The following GUCY2F variants were observed in gnomAD, a reference collection of about 807,000 sequenced individuals.
GUCY2F encodes the protein retinal guanylyl cyclase 2.
In GUCY2F, 61 loss-of-function variants were observed where a neutral mutation model predicts 73.1. The ratio of observed to expected loss-of-function variants is 0.83; its 90% CI spans 0.68 to 1.03. The LOEUF is 1.03. Ranked by LOEUF, GUCY2F falls within the 50% of genes least tolerant of loss-of-function variation. The pLI, the probability that GUCY2F is intolerant of heterozygous loss-of-function variation, is 0.00. For synonymous variants in GUCY2F, 331 were observed against 307.8 expected (o/e 1.08, Z -0.79); for missense variants, 912 against 854.3 (o/e 1.07, Z -0.84).
intron 7 of GUCY2F, among the ~76,000 whole-genome samples, chrX:109,434,202 T>C (rs1204254734): frequency 1.8e-5 from 2 of 110,273 alleles, no homozygotes; most frequent in African/African-American, 6.6e-5. Context: ...TCTCTCTGAA[T>C]GTGTCAGGGT....
chrX:109,425,186 T>C (rs1164369034), intron 8 of GUCY2F, among the ~76,000 whole-genome samples: 2 of 111,420 alleles, frequency 1.8e-5, no homozygotes, highest in Non-Finnish European at 3.8e-5. Context: ...CAGTTTTCAA[T>C]CCCACTACTG....
chrX:109,450,070 T>G (rs1325515697), intron 5 of GUCY2F, among the ~76,000 whole-genome samples: 2 of 110,578 alleles, frequency 1.8e-5, no homozygotes, highest in African/African-American at 6.6e-5. Context: ...AAAGAGGGGG[T>G]ATCTTTTGTG....
chrX:109,437,048 T>C (rs1234949710), intron 7 of GUCY2F, among the ~76,000 whole-genome samples: 2 of 111,448 alleles, frequency 1.8e-5, no homozygotes, highest in East Asian at 5.6e-4. Context: ...CAATGGGTCT[T>C]CTTTAAAACA....
At chrX:109,396,611 A>T (rs1359872015) in intron 11 of GUCY2F, among the ~76,000 whole-genome samples, 2 of 112,009 alleles carry the variant, frequency 1.8e-5, no homozygotes, top group Non-Finnish European at 3.8e-5. Context: ...CACATCAGGA[A>T]CCAAGCTTTG....
At chrX:109,446,197 G>T (rs1032361274) in intron 6 of GUCY2F, among the ~76,000 whole-genome samples, 19 of 111,851 alleles carry the variant, frequency 1.7e-4, no homozygotes, top group Non-Finnish European at 3.4e-4. Flanking sequence ...TGGCCATACT[G>T]CCCAAGGCAA....
chrX:109,416,594 A>AT (rs776161440), intron 8 of GUCY2F, among the ~76,000 whole-genome samples: 4 of 110,773 alleles, frequency 3.6e-5, no homozygotes, highest in East Asian at 2.8e-4. Flanking sequence ...CAGCAAAACA[A>AT]TTTTTTTTAG....
Position 109,457,125 on chromosome X carries a change from A to G in GUCY2F, c.1033-3266T>C, listed in dbSNP as rs764783269. ...GTATAGACCTGAACCTGAAAGAATT[A>G]GTTATGAATGATAATTAAAACATAT... On this transcript the variant is annotated intron_variant, in intron 3 of 19. Transcript: ENST00000218006. Among the ~76,000 whole-genome samples the G allele has an allele frequency of 3.6e-5, 4 of 112,312 alleles. No individual in the cohort carries two copies. In the East Asian group the frequency reaches 1.1e-3, roughly 31 times the overall value.
chrX:109,396,368 A>T (rs1447928913), intron 11 of GUCY2F, among the ~76,000 whole-genome samples: 4 of 110,911 alleles, frequency 3.6e-5, no homozygotes, highest in African/African-American at 1.3e-4. Context: ...AAAAATCATT[A>T]TCTCTCAATA....
chrX:109,382,169 T>C lies in GUCY2F; in HGVS notation c.3099A>G (p.Gln1033=), dbSNP rs1245833002. The change falls in exon 17 of 20, where the codon CAA becomes CAG. Residue 1033 remains glutamine, a synonymous_variant. Coordinates refer to ENST00000218006, the MANE Select transcript of GUCY2F (RefSeq NM_001522.3). ...CCACTTCATAGCCCTCACTCAGATTTTGAAGAATTGTAACAGTGCTGAGAC... is the reference window on the plus strand; with the variant it reads ...CCACTTCATAGCCCTCACTCAGATTCTGAAGAATTGTAACAGTGCTGAGAC... ...HVSLSTVTIL[Q]NLSEGYEVEL... is the part of the protein sequence containing the mutation. 16 of 1,185,966 alleles carry C rather than the reference T, an allele frequency of 1.3e-5. No homozygotes were observed. The African/African-American group carries it at 1.6e-4, about 12-fold the overall frequency.
chrX:109,451,521 G>A (rs953385832), intron 5 of GUCY2F, among the ~76,000 whole-genome samples: 2 of 111,659 alleles, frequency 1.8e-5, no homozygotes, highest in African/African-American at 6.5e-5. Flanking sequence ...GTCACATATC[G>A]TTCTAGGTGC....
intron 5 of GUCY2F, among the ~76,000 whole-genome samples, chrX:109,449,669 TG>T (rs1932096181): frequency 8.9e-6 from 1 of 112,255 alleles, no homozygotes; most frequent in East Asian, 2.8e-4. Flanking sequence ...TTGCATTACC[TG>T]CTTTATAGAG....
In GUCY2F at chrX:109,424,439, C is replaced by T. The variant is rs990004647; in HGVS notation, c.1791+5868G>A. Reference sequence around the variant, plus strand: ...GGGAGAGAGGTGTGAACAGGTGGAGCACAGAGGATTTTTAGGGGACTGAAA... The same window carrying T: ...GGGAGAGAGGTGTGAACAGGTGGAGTACAGAGGATTTTTAGGGGACTGAAA... On this transcript the variant is annotated intron_variant, in intron 8 of 19. Coordinates refer to ENST00000218006, the MANE Select transcript of GUCY2F (RefSeq NM_001522.3). Among the ~76,000 whole-genome samples the T allele has an allele frequency of 8.1e-5, 9 of 111,417 alleles. 1 individual carries two copies. The highest frequency in any genetic ancestry group is 3.8e-4 in the Admixed American group (4 of 10,501).
chrX:109,409,154 A>C lies in GUCY2F; in HGVS notation c.1806T>G (p.Arg602=), dbSNP rs1300185440. The change falls in exon 9 of 20, where the codon CGT becomes CGG. Residue 602 remains arginine (R), a synonymous_variant. Coordinates refer to ENST00000218006, the MANE Select transcript of GUCY2F (RefSeq NM_001522.3). Reference sequence around the variant, plus strand: ...CCAATAAAGGGTTAATATTCTCATGACGCAAGTCCTTCATCTGGAAATGAG... The same window carrying C: ...CCAATAAAGGGTTAATATTCTCATGCCGCAAGTCCTTCATCTGGAAATGAG... ...SDVFEMMKDL[R]HENINPLLGF... 9.1e-7 allele frequency: 1 copy of C among 1,100,112 alleles called. No homozygotes were observed. The highest frequency in any genetic ancestry group is 1.3e-6 in the Non-Finnish European group (1 of 797,332). The allele number at this position is 1,100,112 out of a possible 1,213,427, so 90.7% of individuals were successfully genotyped here. A position where few individuals can be genotyped will look rare whatever the true frequency, so the allele number is the denominator to read the frequency against.
intron 8 of GUCY2F, among the ~76,000 whole-genome samples, chrX:109,413,626 G>A (rs1003278072): frequency 2.7e-5 from 3 of 110,587 alleles, no homozygotes; most frequent in South Asian, 3.9e-4. Flanking sequence ...GGCTGGTCTC[G>A]AACTCCTAAA....
chrX:109,476,524 A>T (rs1467855411), intron 1 of GUCY2F, among the ~76,000 whole-genome samples: 1 of 111,423 alleles, frequency 9.0e-6, no homozygotes, highest in Non-Finnish European at 1.9e-5. Context: ...GCTATGATTG[A>T]GGTAGCCCAA....
rs781260647 is a variant in GUCY2F at position 109,383,902 on chromosome X, C to A, written c.3055+1282G>T. ...ATCAGTCCAGAATACTGTGCCAAAT[C>A]TGCATTGCAGTTCCATGATAAATTT... On this transcript the variant is annotated intron_variant, in intron 16 of 19. Coordinates refer to ENST00000218006, the MANE Select transcript of GUCY2F (RefSeq NM_001522.3). Among the ~76,000 whole-genome samples, 4 of 112,682 alleles carry A rather than the reference C, an allele frequency of 3.5e-5. No homozygotes were observed. The East Asian group carries it at 1.1e-3, about 32-fold the overall frequency.
rs1930167134 is a variant in GUCY2F at position 109,375,916 on chromosome X, C to T, written c.3310G>A (p.Val1104Met). ...FQRRKAERQL[V>M]RNKP is the part of the protein sequence containing the mutation. ...CCATTACCTTATGGCTTGTTTCTCA[C>T]CAACTGCCTTTCTGCTTTTCTTCTT... Residue 1104 changes from valine to methionine, a missense_variant, in exon 19 of 20, where the codon GTG becomes ATG. Coordinates refer to ENST00000218006, the MANE Select transcript of GUCY2F (RefSeq NM_001522.3). 8.3e-7 allele frequency: 1 copy of T among 1,207,981 alleles called. No homozygotes were observed. Among genetic ancestry groups the T allele is most frequent in the Non-Finnish European group, 1.1e-6 (1 of 892,042 alleles).
Position 109,388,560 on chromosome X carries a change from C to A in GUCY2F, c.2885G>T (p.Ser962Ile), listed in dbSNP as rs747085313. The A allele has an allele frequency of 1.7e-6, 2 of 1,201,972 alleles. No individual in the cohort carries two copies. The highest frequency in any genetic ancestry group is 1.8e-5 in the South Asian group (1 of 56,733). The change falls in exon 15 of 20, where the codon AGC becomes ATC. Residue 962 changes from serine to isoleucine, a missense_variant. Ser to Ile is a moderately radical substitution (Grantham distance 142, BLOSUM62 -2). Coordinates refer to ENST00000218006, the MANE Select transcript of GUCY2F (RefSeq NM_001522.3). ...EIANMSLDILSSVGTFKMRHM... is the reference protein window; with the variant it reads ...EIANMSLDILISVGTFKMRHM... The stretch of plus-strand genomic sequence containing the variant: ...CCGCATCTTGAAAGTGCCCACAGAG[C>A]TCAGGATATCTAAGGACATGTTTGC...
intron 11 of GUCY2F, 88 bp from the exon 12 acceptor site, chrX:109,395,577 G>T (rs1195509516): frequency 9.0e-6 from 7 of 775,863 alleles, no homozygotes; most frequent in African/African-American, 4.1e-5. Context: ...AGCCAAGAAG[G>T]GGGTAGGTTA....
Sources: allele counts gnomAD v4.1 joint callset (sites outside exome capture counted in the v4.1 genomes callset), GRCh38; gene constraint gnomAD v4.1.1; transcripts MANE v1.5; gene names NCBI Gene and HGNC (gene_info 2026-07-23, HGNC 2026-07-21).